The following PAQR5 variants were observed in gnomAD, a reference collection of about 807,000 sequenced individuals.
The protein encoded by PAQR5 is membrane progestin receptor gamma.
A neutral mutation model predicts 34.5 loss-of-function variants in PAQR5; 20 were observed. The observed-to-expected ratio is 0.58, with a 90% confidence interval of 0.41 to 0.84. The LOEUF (loss-of-function observed/expected upper bound fraction) is 0.84. Among genes scored for constraint, PAQR5 ranks in the 40% least tolerant of loss-of-function variants. The pLI, the probability that PAQR5 is intolerant of heterozygous loss-of-function variation, is 0.00. For synonymous variants in PAQR5, 131 were observed against 155.6 expected (o/e 0.84, Z 1.18); for missense variants, 378 against 412.7 (o/e 0.92, Z 0.73).
At chr15:69,323,852 T>C (rs2054184883) in intron 1 of PAQR5, among the ~76,000 whole-genome samples, 1 of 152,102 alleles carries the variant, frequency 6.6e-6, no homozygotes, top group African/African-American at 2.4e-5. Flanking sequence ...ATAGACAGTA[T>C]TACGAGATTT....
At chr15:69,306,077 C>T (rs1451588023) in intron 1 of PAQR5, among the ~76,000 whole-genome samples, 3 of 152,146 alleles carry the variant, frequency 2.0e-5, no homozygotes, top group African/African-American at 7.2e-5. Flanking sequence ...GCCTGCAGAA[C>T]CCCTCAGTCT....
chr15:69,322,160 T>TA (rs34094930), intron 1 of PAQR5, among the ~76,000 whole-genome samples: 6,550 of 120,790 alleles, frequency 0.054, 651 homozygotes, highest in African/African-American at 0.19. Flanking sequence ...ACCCCATTTC[T>TA]AAAAAAAAAA....
At chr15:69,391,642 T>G in intron 6 of PAQR5, 1 of 456,012 alleles carries the variant, frequency 2.2e-6, no homozygotes, top group Non-Finnish European at 4.4e-6. Flanking sequence ...CACTGCCCCA[T>G]CTGGTTCGCT....
intron 6 of PAQR5, 168 bp from the exon 7 acceptor site, chr15:69,397,300 G>A: frequency 1.4e-6 from 1 of 706,050 alleles, no homozygotes; most frequent in Non-Finnish European, 2.6e-6. Context: ...TTCCATTGGG[G>A]TGGGAGGAAT....
intron 1 of PAQR5, among the ~76,000 whole-genome samples, chr15:69,305,012 C>A (rs1051149944): frequency 6.6e-6 from 1 of 152,222 alleles, no homozygotes; most frequent in African/African-American, 2.4e-5. Context: ...GATCCTGTCA[C>A]TTCCTCTGCC....
intron 2 of PAQR5, among the ~76,000 whole-genome samples, chr15:69,356,789 G>A (rs1170390739): frequency 6.6e-6 from 1 of 152,166 alleles, no homozygotes; most frequent in Non-Finnish European, 1.5e-5. Context: ...CTTCAAAGGT[G>A]TGTCCTGGTT....
chr15:69,301,356 C>T (rs1162583988), intron 1 of PAQR5, among the ~76,000 whole-genome samples: 3 of 152,190 alleles, frequency 2.0e-5, no homozygotes, highest in Non-Finnish European at 4.4e-5. Flanking sequence ...CTTGTCCCGC[C>T]AAGGAGAGGC....
intron 3 of PAQR5, 82 bp from the exon 4 acceptor site, chr15:69,379,801 C>G: frequency 6.6e-7 from 1 of 1,512,172 alleles, no homozygotes. Flanking sequence ...GCACACAGAG[C>G]ACGGCCTGGA....
chr15:69,390,279 G>A (rs1235935840), intron 6 of PAQR5, among the ~76,000 whole-genome samples: 4 of 151,958 alleles, frequency 2.6e-5, no homozygotes, highest in African/African-American at 9.7e-5. Context: ...GCCCTCCAAA[G>A]TATTGGGATT....
chr15:69,380,861 G>GTCAC (rs2055865972), intron 4 of PAQR5, among the ~76,000 whole-genome samples: 1 of 152,216 alleles, frequency 6.6e-6, no homozygotes, highest in Non-Finnish European at 1.5e-5. Flanking sequence ...GCACAGGCTG[G>GTCAC]TCACTGGACT....
At chr15:69,301,766 C>T (rs1377015290) in intron 1 of PAQR5, among the ~76,000 whole-genome samples, 2 of 150,324 alleles carry the variant, frequency 1.3e-5, no homozygotes, top group Non-Finnish European at 2.9e-5. Context: ...ATCCCTCATT[C>T]ATCCTGAGTA....
At chr15:69,383,643 T>C (rs1160328738) in intron 4 of PAQR5, among the ~76,000 whole-genome samples, 2 of 104,426 alleles carry the variant, frequency 1.9e-5, no homozygotes, top group South Asian at 4.1e-4. Flanking sequence ...GCCCTCTGTG[T>C]TCATCGTGGA....
intron 1 of PAQR5, among the ~76,000 whole-genome samples, chr15:69,301,524 T>C (rs1224290301): frequency 2.6e-5 from 4 of 152,214 alleles, no homozygotes; most frequent in African/African-American, 9.6e-5. Context: ...TCTCTCTCCT[T>C]ACCACTCCAT....
rs540633975 is a variant in PAQR5, at chr15:69,362,291, C to T, written c.51+2160C>T. 3.3e-5 allele frequency among the ~76,000 whole-genome samples: 5 copies of T among 152,230 alleles called. No individual in the cohort carries two copies. The South Asian group carries it at 6.2e-4, about 19-fold the overall frequency. On this transcript the variant is annotated intron_variant, in intron 3 of 8. Coordinates refer to ENST00000395407, the MANE Select transcript of PAQR5 (RefSeq NM_017705.4). ...GACCAACATCACACTTTGCAGCCAC[C>T]GTTTGCTTCAAAATCTGCCTTGGGC... is the stretch of plus-strand genomic sequence containing the variant.
At chr15:69,360,759 G>A (rs970530289) in intron 3 of PAQR5, among the ~76,000 whole-genome samples, 24 of 152,200 alleles carry the variant, frequency 1.6e-4, no homozygotes, top group Admixed American at 1.6e-3. Flanking sequence ...TCATTGTGTT[G>A]CACCCCTTTG....
chr15:69,374,451 G>A (rs990070966), intron 3 of PAQR5, among the ~76,000 whole-genome samples: 1 of 152,232 alleles, frequency 6.6e-6, no homozygotes, highest in Non-Finnish European at 1.5e-5. Context: ...CAAGGCTGGT[G>A]GATCACCTGA....
At chr15:69,387,909 A>AC (rs11371334) in intron 5 of PAQR5, among the ~76,000 whole-genome samples, 151,200 of 151,756 alleles carry the variant, frequency 1, 75,324 homozygotes, top group Middle Eastern at 1. Context: ...ACCTGGATAT[A>AC]CCCCCACCAT....
chr15:69,383,992 C>A (rs1377869041), intron 4 of PAQR5, among the ~76,000 whole-genome samples: 2 of 74,602 alleles, frequency 2.7e-5, no homozygotes. Context: ...GGAGGGTGAG[C>A]GGGCCCTCTG....
intron 6 of PAQR5, 80 bp downstream of exon 6, chr15:69,389,860 G>C: frequency 6.6e-7 from 1 of 1,512,612 alleles, no homozygotes; most frequent in African/African-American, 1.4e-5. Flanking sequence ...GGGAGCCGGG[G>C]AAGAGGTGGG....
Sources: allele counts gnomAD v4.1 joint callset (sites outside exome capture counted in the v4.1 genomes callset), GRCh38; gene constraint gnomAD v4.1.1; transcripts MANE v1.5; gene names NCBI Gene and HGNC (gene_info 2026-07-23, HGNC 2026-07-21).